The following CPQ variants were observed in gnomAD, a reference collection of about 807,000 sequenced individuals.
CPQ encodes the protein Ser-Met dipeptidase.
A neutral mutation model predicts 45.7 loss-of-function variants in CPQ; 37 were observed. The ratio of observed to expected loss-of-function variants is 0.81; its 90% CI spans 0.62 to 1.07. CPQ has a LOEUF of 1.07. CPQ is among the 50% of genes least tolerant of loss of function. The pLI is 0.00. For synonymous variants in CPQ, 186 were observed against 205.8 expected, an observed-to-expected ratio of 0.90 and a Z score of 0.82; for missense variants, 537 against 572.9, an observed-to-expected ratio of 0.94 and a Z score of 0.64.
At chr8:96,967,911 A>G (rs1045297361) in intron 5 of CPQ, among the ~76,000 whole-genome samples, 1 of 152,210 alleles carries the variant, frequency 6.6e-6, no homozygotes, top group Non-Finnish European at 1.5e-5. Flanking sequence ...CCTATCTCAT[A>G]AAGTTGCTTT....
chr8:97,045,206 C>A (rs939124721), intron 6 of CPQ, among the ~76,000 whole-genome samples: 1 of 152,216 alleles, frequency 6.6e-6, no homozygotes, highest in African/African-American at 2.4e-5. Flanking sequence ...CGCCCCTCCC[C>A]CAGCCTCGCT....
intron 7 of CPQ, among the ~76,000 whole-genome samples, chr8:97,097,407 A>G (rs1326822763): frequency 3.3e-5 from 5 of 152,186 alleles, no homozygotes; most frequent in African/African-American, 4.8e-5. Context: ...AATATGCTTA[A>G]TAAATTACAT....
At chr8:96,835,471 T>C (rs945244980) in intron 3 of CPQ, among the ~76,000 whole-genome samples, 5 of 152,212 alleles carry the variant, frequency 3.3e-5, no homozygotes, top group African/African-American at 7.2e-5. Flanking sequence ...TGTATTTTCA[T>C]TGGAGGAAGA....
chr8:97,048,406 A>G (rs1395420459), intron 6 of CPQ, among the ~76,000 whole-genome samples: 2 of 152,236 alleles, frequency 1.3e-5, no homozygotes, highest in Non-Finnish European at 2.9e-5. Context: ...TCTGAATTGC[A>G]AAAGAGACAT....
chr8:97,056,655 A>T (rs1586518612), intron 6 of CPQ: 1 of 152,236 alleles, frequency 6.6e-6, no homozygotes, highest in African/African-American at 2.4e-5. Flanking sequence ...TCTACAGAAC[A>T]TGCTTATATT....
intron 4 of CPQ, among the ~76,000 whole-genome samples, chr8:96,880,555 ATATATATATATATATATATATAC>A (rs2130881746): frequency 1.2e-5 from 1 of 81,382 alleles, no homozygotes; most frequent in Admixed American, 1.2e-4. Flanking sequence ...ATATATATAT[ATATATATATATATATATATATAC>A]CATGGAATAC....
chr8:96,680,661 TG>T (rs1479289780), intron 1 of CPQ: 1 of 152,520 alleles, frequency 6.6e-6, no homozygotes, highest in Non-Finnish European at 1.5e-5. Context: ...GGGGTGCTGC[TG>T]AAAAGATACC....
chr8:96,916,208 G>A (rs547017836), intron 4 of CPQ, among the ~76,000 whole-genome samples: 35 of 152,068 alleles, frequency 2.3e-4, no homozygotes, highest in Non-Finnish European at 4.3e-4. Flanking sequence ...CAAATTGGTT[G>A]GTTTTTGTTG....
At chr8:97,089,014 C>A (rs542294305) in intron 7 of CPQ, among the ~76,000 whole-genome samples, 1 of 152,022 alleles carries the variant, frequency 6.6e-6, no homozygotes, top group Non-Finnish European at 1.5e-5. Context: ...AAGGCCAAGG[C>A]GGGTGGATCA....
intron 1 of CPQ, among the ~76,000 whole-genome samples, chr8:96,771,113 ATT>A (rs1563492847): frequency 7.4e-6 from 1 of 135,410 alleles, no homozygotes; most frequent in South Asian, 2.3e-4. Context: ...AAATATATAT[ATT>A]TATATATTTT....
intron 6 of CPQ, among the ~76,000 whole-genome samples, chr8:97,052,555 TGTTG>T (rs1239667275): frequency 6.6e-6 from 1 of 152,160 alleles, no homozygotes; most frequent in Admixed American, 6.5e-5. Flanking sequence ...TTAAATTCTA[TGTTG>T]TCAGTTCAGT....
intron 7 of CPQ, among the ~76,000 whole-genome samples, chr8:97,126,894 A>G (rs78987654): frequency 0.012 from 1,829 of 152,320 alleles, 13 homozygotes; most frequent in African/African-American, 0.029. Context: ...AATTTTTTAC[A>G]AAAGTACAAG....
At chr8:96,681,069 A>G (rs555615090) in intron 1 of CPQ, among the ~76,000 whole-genome samples, 114 of 152,332 alleles carry the variant, frequency 7.5e-4, no homozygotes, top group Middle Eastern at 3.4e-3. Context: ...ACAGAGCATA[A>G]AAGTTTGGAA....
intron 1 of CPQ, among the ~76,000 whole-genome samples, chr8:96,714,984 G>A (rs1211947903): frequency 6.6e-6 from 1 of 152,150 alleles, no homozygotes; most frequent in African/African-American, 2.4e-5. Flanking sequence ...TTCAGTGTGT[G>A]AGCAGGTTCA....
At chr8:97,122,197 A>G (rs187022094) in intron 7 of CPQ, among the ~76,000 whole-genome samples, 1 of 152,288 alleles carries the variant, frequency 6.6e-6, no homozygotes, top group Admixed American at 6.5e-5. Context: ...AACTCAATAA[A>G]ACCCAAGCAT....
chr8:96,908,370 GA>G (rs1451705813), intron 4 of CPQ, among the ~76,000 whole-genome samples: 2 of 152,134 alleles, frequency 1.3e-5, no homozygotes, highest in Non-Finnish European at 2.9e-5. Flanking sequence ...TCTTGCAAGA[GA>G]GATTAGTGAT....
At chr8:96,855,954 G>C (rs1343706156) in intron 3 of CPQ, among the ~76,000 whole-genome samples, 1 of 152,128 alleles carries the variant, frequency 6.6e-6, no homozygotes, top group Admixed American at 6.5e-5. Flanking sequence ...AAAACAGCTG[G>C]TGCAACAGAT....
At chr8:96,719,810 A>G (rs1809739144) in intron 1 of CPQ, among the ~76,000 whole-genome samples, 1 of 152,046 alleles carries the variant, frequency 6.6e-6, no homozygotes, top group Non-Finnish European at 1.5e-5. Flanking sequence ...TGCTCCCTAT[A>G]ACAGCTCCAG....
chr8:96,908,609 A>G (rs1184361550), intron 4 of CPQ, among the ~76,000 whole-genome samples: 1 of 152,186 alleles, frequency 6.6e-6, no homozygotes, highest in African/African-American at 2.4e-5. Context: ...GCTGATTACC[A>G]AAGACAAAAA....
Sources: gnomAD v4.1 joint callset for allele counts (sites outside exome capture counted in the v4.1 genomes callset) on GRCh38, gnomAD v4.1.1 for gene constraint, MANE v1.5 for transcripts, NCBI Gene and HGNC (gene_info 2026-07-23, HGNC 2026-07-21) for gene names.